The following CDK6 variants were observed in gnomAD, a reference collection of about 807,000 sequenced individuals.
The protein encoded by CDK6 is cyclin-dependent kinase 6.
In CDK6, 6 loss-of-function variants were observed where a neutral mutation model predicts 37.1. The observed-to-expected ratio is 0.16, with a 90% confidence interval of 0.09 to 0.32. The LOEUF (loss-of-function observed/expected upper bound fraction) is 0.32. Ranked by LOEUF, CDK6 falls within the 10% of genes least tolerant of loss-of-function variation. CDK6 has a pLI of 1.00. For missense variants in CDK6, 224 were observed against 418.9 expected (o/e 0.53, Z 4.06); for synonymous variants, 160 against 161.3 (o/e 0.99, Z 0.06).
intron 3 of CDK6, among the ~76,000 whole-genome samples, chr7:92,737,686 T>C (rs978156489): frequency 3.9e-5 from 6 of 152,228 alleles, no homozygotes; most frequent in African/African-American, 1.4e-4. Flanking sequence ...CTTTCTCAAC[T>C]TAACAAATAA....
intron 2 of CDK6, among the ~76,000 whole-genome samples, chr7:92,781,091 T>C (rs958455318): frequency 1.3e-5 from 2 of 152,226 alleles, no homozygotes; most frequent in African/African-American, 4.8e-5. Flanking sequence ...GTGATCCAAG[T>C]GAATGTTCAA....
In CDK6 at chr7:92,606,174, T is replaced by C. The variant is rs1795423621; in HGVS notation, c.*8966A>G. On this transcript the variant is annotated 3_prime_UTR_variant, in exon 8 of 8. Transcript: ENST00000424848. ...TGTAGATGGAGAGAAAACAGCAGCCTGGAATGTGGTTTATATTCTTGATTA... is the reference window on the plus strand; with the variant it reads ...TGTAGATGGAGAGAAAACAGCAGCCCGGAATGTGGTTTATATTCTTGATTA... The C allele has an allele frequency of 1.7e-5, 4 of 233,590 alleles. No homozygotes were observed. In the East Asian group the frequency reaches 2.4e-4, roughly 14 times the overall value. 14.5% of individuals were successfully genotyped at this position (233,590 alleles called of 1,614,324 possible). A position where few individuals can be genotyped will look rare whatever the true frequency, so the allele number is the denominator to read the frequency against.
intron 2 of CDK6, among the ~76,000 whole-genome samples, chr7:92,785,398 G>A (rs1800102184): frequency 6.6e-6 from 1 of 152,166 alleles, no homozygotes; most frequent in African/African-American, 2.4e-5. Context: ...GGAGAGTGTG[G>A]AGGAATGGGG....
rs534534518 is a variant in CDK6 at position 92,822,660 on chromosome 7, A to G, written c.233+10431T>C. 3.9e-5 allele frequency among the ~76,000 whole-genome samples: 6 copies of G among 152,270 alleles called. No homozygotes were observed. The South Asian group carries it at 1.2e-3, about 32-fold the overall frequency. ...AAGCTGACATTCAACATTAATTCAT[A>G]CAACTATTCAACAGGTAATTGAGTG... is the stretch of plus-strand genomic sequence containing the variant. On this transcript the variant is annotated intron_variant, in intron 2 of 7. Transcript: ENST00000424848.
chr7:92,724,578 T>G (rs1798465144), intron 4 of CDK6, among the ~76,000 whole-genome samples: 1 of 152,196 alleles, frequency 6.6e-6, no homozygotes, highest in African/African-American at 2.4e-5. Flanking sequence ...GAATTTCTAC[T>G]TATCAGCTGT....
At chr7:92,800,543 TTCTC>T (rs1800544042) in intron 2 of CDK6, among the ~76,000 whole-genome samples, 1 of 152,158 alleles carries the variant, frequency 6.6e-6, no homozygotes, top group Admixed American at 6.5e-5. Flanking sequence ...CACACACACT[TTCTC>T]TCTCCCCACT....
chr7:92,661,198 T>C (rs1027594686), intron 5 of CDK6, among the ~76,000 whole-genome samples: 6 of 152,152 alleles, frequency 3.9e-5, no homozygotes, highest in African/African-American at 1.4e-4. Context: ...GCAGCTTAAG[T>C]GTCAGGAGGA....
chr7:92,611,660 A>C lies in CDK6; in HGVS notation c.*3480T>G. On this transcript the variant is annotated 3_prime_UTR_variant, in exon 8 of 8. Coordinates refer to ENST00000424848, the MANE Select transcript of CDK6 (RefSeq NM_001145306.2). ...TTTGGTACTATTTAAGAGTTTTCTC[A>C]TCAAGATGGATAGTACATTCTGGAG... 1 of 228,938 alleles carries C rather than the reference A, an allele frequency of 4.4e-6. No homozygotes were observed. The allele number at this position is 228,938 out of a possible 1,614,324, so 14.2% of individuals were successfully genotyped here.
intron 3 of CDK6, among the ~76,000 whole-genome samples, chr7:92,769,826 G>A (rs893318462): frequency 9.9e-5 from 15 of 152,106 alleles, no homozygotes; most frequent in African/African-American, 3.4e-4. Flanking sequence ...CTCATAGGAT[G>A]GCAGATGAAA....
chr7:92,722,450 G>A (rs1798390391), intron 4 of CDK6, among the ~76,000 whole-genome samples: 1 of 152,162 alleles, frequency 6.6e-6, no homozygotes, highest in African/African-American at 2.4e-5. Flanking sequence ...TACACAGACT[G>A]TGAACTTGGG....
At chr7:92,758,690 A>G (rs948836695) in intron 3 of CDK6, among the ~76,000 whole-genome samples, 1 of 152,210 alleles carries the variant, frequency 6.6e-6, no homozygotes, top group African/African-American at 2.4e-5. Flanking sequence ...TGGTAGTTTA[A>G]TAGGAACAGC....
At chr7:92,740,878 G>A (rs901000205) in intron 3 of CDK6, among the ~76,000 whole-genome samples, 2 of 152,060 alleles carry the variant, frequency 1.3e-5, no homozygotes, top group South Asian at 2.1e-4. Context: ...CCAGGTACAC[G>A]TGGCCCCTCT....
rs2116034409 is a variant in CDK6 at position 92,833,282 on chromosome 7, T to C, written c.42A>G (p.Glu14=). ...DGLCRADQQY[E]CVAEIGEGAY... is the part of the protein sequence containing the mutation. ...CGCCCTCCCCGATCTCCGCCACGCA[T>C]TCGTACTGCTGGTCAGCGCGGCACA... Residue 14 remains glutamate (E), a synonymous_variant, in exon 2 of 8, where the codon GAA becomes GAG. Coordinates refer to ENST00000424848, the MANE Select transcript of CDK6 (RefSeq NM_001145306.2). The surrounding 1 kb of genome is among the most constrained non-coding windows in gnomAD (Gnocchi z 6.1). 1 of 1,608,710 alleles carries C rather than the reference T, an allele frequency of 6.2e-7. No individual in the cohort carries two copies. The highest frequency in any genetic ancestry group is 8.5e-7 in the Non-Finnish European group (1 of 1,178,530).
intron 5 of CDK6, among the ~76,000 whole-genome samples, chr7:92,638,985 G>C (rs1156692706): frequency 1.3e-5 from 2 of 152,184 alleles, no homozygotes; most frequent in African/African-American, 2.4e-5. Flanking sequence ...CAATTTTCTT[G>C]TTGGGGGGTG....
At chr7:92,817,648 A>C (rs988752962) in intron 2 of CDK6, among the ~76,000 whole-genome samples, 3 of 151,820 alleles carry the variant, frequency 2.0e-5, no homozygotes, top group African/African-American at 7.2e-5. Flanking sequence ...GGTTCTAGCC[A>C]GGGCAAAAAA....
intron 5 of CDK6, among the ~76,000 whole-genome samples, chr7:92,653,170 A>G (rs1362428522): frequency 2.0e-5 from 3 of 152,152 alleles, no homozygotes; most frequent in Non-Finnish European, 2.9e-5. Flanking sequence ...AATGTGCTCC[A>G]CGTCAATCTT....
chr7:92,681,633 G>A (rs1237668445), intron 4 of CDK6, among the ~76,000 whole-genome samples: 1 of 152,216 alleles, frequency 6.6e-6, no homozygotes, highest in Non-Finnish European at 1.5e-5. Context: ...TGAGTTAAAT[G>A]AGTTGGCTGA....
At chr7:92,798,857 G>A (rs1800488899) in intron 2 of CDK6, among the ~76,000 whole-genome samples, 1 of 152,060 alleles carries the variant, frequency 6.6e-6, no homozygotes, top group Non-Finnish European at 1.5e-5. Flanking sequence ...TGTAATAGAA[G>A]ATCAAAGCTA....
At chr7:92,633,934 T>C (rs1394547713) in intron 5 of CDK6, among the ~76,000 whole-genome samples, 3 of 152,176 alleles carry the variant, frequency 2.0e-5, no homozygotes, top group African/African-American at 7.2e-5. Context: ...AAGAGCTCTT[T>C]TATTCATTAA....
Sources: allele counts gnomAD v4.1 joint callset (sites outside exome capture counted in the v4.1 genomes callset), GRCh38; gene constraint gnomAD v4.1.1; non-coding constraint Gnocchi (gnomAD v3.1); transcripts MANE v1.5; gene names NCBI Gene and HGNC (gene_info 2026-07-23, HGNC 2026-07-21).